SCAMP4: variants seen among roughly 807,000 people sequenced by gnomAD.
SCAMP4 encodes secretory carrier-associated membrane protein 4.
Under a neutral mutation model 32.1 loss-of-function variants are expected in SCAMP4, and 19 were observed. The ratio of observed to expected loss-of-function variants is 0.59; its 90% CI spans 0.41 to 0.87. SCAMP4 has a LOEUF of 0.87. SCAMP4 is among the 40% of genes least tolerant of loss of function. SCAMP4 has a pLI of 0.00. For synonymous variants in SCAMP4, 152 were observed against 132.7 expected, an observed-to-expected ratio of 1.15 and a Z score of -1.00; for missense variants, 302 against 309.0, an observed-to-expected ratio of 0.98 and a Z score of 0.17.
At chr19:1,919,148 C>T in intron 5 of SCAMP4, 158 bp downstream of exon 5, 1 of 1,449,934 alleles carries the variant, frequency 6.9e-7, no homozygotes, top group South Asian at 1.4e-5. Context: ...CGCCCGCGTC[C>T]TCGCCAGCGC....
At chr19:1,912,308 C>G (rs748075181) in intron 1 of SCAMP4, 2 of 1,559,846 alleles carry the variant, frequency 1.3e-6, no homozygotes, top group South Asian at 1.2e-5. Flanking sequence ...CGCTCCCCGC[C>G]CAGCCTCACC....
At position 1,907,547 on chromosome 19, in the gene SCAMP4, T is replaced by C. The variant is rs566451601; in HGVS notation, c.-42+2108T>C. ...CAGGTTGGGGACTGGGTGTGTTTTC[T>C]GGGTGGACATACCCAGGTCCCGGCG... On this transcript the variant is annotated intron_variant, in intron 1 of 6. Coordinates refer to ENST00000316097, the MANE Select transcript of SCAMP4 (RefSeq NM_079834.4). Among the ~76,000 whole-genome samples the C allele has an allele frequency of 3.9e-5, 6 of 152,282 alleles. No individual in the cohort carries two copies. The South Asian group carries it at 1.2e-3, about 32-fold the overall frequency.
chr19:1,918,996 C>T lies in SCAMP4; in HGVS notation c.395+6C>T. The stretch of plus-strand genomic sequence containing the variant: ...TTCTCCGGCTGGGGCGCGTGGTAAG[C>T]CTCTCTCTGATGGGCGTGGTGGCTG... On this transcript the variant is annotated splice_donor_region_variant and intron_variant, in intron 5 of 6. Coordinates refer to ENST00000316097, the MANE Select transcript of SCAMP4 (RefSeq NM_079834.4). The T allele has an allele frequency of 2.5e-6, 4 of 1,600,458 alleles. No individual in the cohort carries two copies. Among genetic ancestry groups the T allele is most frequent in the Non-Finnish European group, 2.6e-6 (3 of 1,173,588 alleles).
At position 1,919,197 on chromosome 19, in the gene SCAMP4, T is replaced by C. The variant is rs1043931751; in HGVS notation, c.395+207T>C. Reference sequence around the variant, plus strand: ...AGCACCCAGCCATGGTTCGCGATTGTAGGCACTCTCCTAGGGAGGGGTCCG... The same window carrying C: ...AGCACCCAGCCATGGTTCGCGATTGCAGGCACTCTCCTAGGGAGGGGTCCG... On this transcript the variant is annotated intron_variant, in intron 5 of 6. Coordinates refer to ENST00000316097, the MANE Select transcript of SCAMP4 (RefSeq NM_079834.4). The C allele has an allele frequency of 1.3e-5, 18 of 1,414,738 alleles. No homozygotes were observed. The African/African-American group carries it at 2.6e-4, about 20-fold the overall frequency. 87.6% of individuals were successfully genotyped at this position (1,414,738 alleles called of 1,614,324 possible). A position where few individuals can be genotyped will look rare whatever the true frequency, so the allele number is the denominator to read the frequency against.
At chr19:1,921,418 C>T (rs1263269317) in intron 5 of SCAMP4, 10 of 984,680 alleles carry the variant, frequency 1.0e-5, no homozygotes, top group African/African-American at 3.5e-5. Flanking sequence ...GGCCACATGG[C>T]GGCAGCCAGG....
rs950688403 is a variant in SCAMP4 at position 1,908,297 on chromosome 19, G to T, written c.-42+2858G>T. 3.1e-6 allele frequency: 1 copy of T among 326,376 alleles called. No individual in the cohort carries two copies. The highest frequency in any genetic ancestry group is 6.1e-6 in the Non-Finnish European group (1 of 164,372). The allele number at this position is 326,376 out of a possible 1,614,324, so 20.2% of individuals were successfully genotyped here. ...TCCGGTTCTGTGCTTTGTTGAACGC[G>T]TGAGCTTCGGGCAGCGCTGGGGCCG... On this transcript the variant is annotated intron_variant, in intron 1 of 6. Coordinates refer to ENST00000316097, the MANE Select transcript of SCAMP4 (RefSeq NM_079834.4). The surrounding 1 kb of genome is among the most constrained non-coding windows in gnomAD (Gnocchi z 4.2).
chr19:1,917,788 G>T lies in SCAMP4; in HGVS notation c.102G>T (p.Gln34His), dbSNP rs771455488. Residue 34 changes from glutamine (Q) to histidine (H), a missense_variant, in exon 3 of 7, where the codon CAG becomes CAT. By Grantham distance (24) the Gln-to-His change is conservative. Coordinates refer to ENST00000316097, the MANE Select transcript of SCAMP4 (RefSeq NM_079834.4). ...CCGACGAGATCCCAGTGGAGCACCA[G>T]GTCCTGGTGAAGAGGATCTACCGGC... ...NFSDEIPVEHQVLVKRIYRLW... is the reference protein window; with the variant it reads ...NFSDEIPVEHHVLVKRIYRLW... 6 of 1,613,912 alleles carry T rather than the reference G, an allele frequency of 3.7e-6. No individual in the cohort carries two copies. In the South Asian group the frequency reaches 6.6e-5, roughly 18 times the overall value.
At position 1,917,765 on chromosome 19, in the gene SCAMP4, G is replaced by A. The variant is rs765259029; in HGVS notation, c.79G>A (p.Asp27Asn). The change falls in exon 3 of 7, where the codon GAC becomes AAC. Residue 27 changes from aspartate to asparagine, a missense_variant. Coordinates refer to ENST00000316097, the MANE Select transcript of SCAMP4 (RefSeq NM_079834.4). The stretch of plus-strand genomic sequence containing the variant: ...GCCCTGCTTCTACCAGAACTTCTCC[G>A]ACGAGATCCCAGTGGAGCACCAGGT... ...VKPCFYQNFSDEIPVEHQVLV... is the reference protein window; with the variant it reads ...VKPCFYQNFSNEIPVEHQVLV... 3.0e-5 allele frequency: 49 copies of A among 1,613,876 alleles called. No homozygotes were observed. The highest frequency in any genetic ancestry group is 1.6e-4 in the Middle Eastern group (1 of 6,084).
chr19:1,921,976 A>T (rs1322474310), intron 5 of SCAMP4: 1 of 985,330 alleles, frequency 1.0e-6, no homozygotes, highest in African/African-American at 1.7e-5. Flanking sequence ...GTGTGTGCAT[A>T]AGCTCCCCGG....
In SCAMP4 at chr19:1,914,992, T is replaced by G. The variant is rs2013682261; in HGVS notation, c.-28T>G. On this transcript the variant is annotated 5_prime_UTR_variant, in exon 2 of 7. Transcript: ENST00000316097. ...TCTTCCTTCCAGGCGGCTGCAGGCTTCAGCCTGCGCTGGTTGGTGAAACAG... is the reference window on the plus strand; with the variant it reads ...TCTTCCTTCCAGGCGGCTGCAGGCTGCAGCCTGCGCTGGTTGGTGAAACAG... 1 of 1,613,616 alleles carries G rather than the reference T, an allele frequency of 6.2e-7. No homozygotes were observed. The highest frequency in any genetic ancestry group is 8.5e-7 in the Non-Finnish European group (1 of 1,179,700).
At position 1,918,922 on chromosome 19, in the gene SCAMP4, C is replaced by T. The variant is rs1451391862; in HGVS notation, c.327C>T (p.Phe109=). The T allele has an allele frequency of 1.2e-6, 2 of 1,611,612 alleles. No individual in the cohort carries two copies. Among genetic ancestry groups the T allele is most frequent in the Non-Finnish European group, 1.7e-6 (2 of 1,178,982 alleles). Residue 109 remains phenylalanine, a synonymous_variant, in exon 5 of 7, where the codon TTC becomes TTT. Transcript: ENST00000316097. Reference sequence around the variant, plus strand: ...GCTCCTTTAATTTCATGGCGTTTTTCTTCATCTTCGGAGCCCAGTTTGTCC... The same window carrying T: ...GCTCCTTTAATTTCATGGCGTTTTTTTTCATCTTCGGAGCCCAGTTTGTCC... The part of the protein sequence containing the change: ...ADSSFNFMAF[F]FIFGAQFVLT...
rs1193465266 is a variant in SCAMP4 at position 1,924,422 on chromosome 19, G to GC, written c.*144dup. 5 of 701,982 alleles carry GC rather than the reference G, an allele frequency of 7.1e-6. No individual in the cohort carries two copies. The highest frequency in any genetic ancestry group is 5.4e-5 in the East Asian group (2 of 36,740). 43.5% of individuals were successfully genotyped at this position (701,982 alleles called of 1,614,324 possible). A position where few individuals can be genotyped will look rare whatever the true frequency, so the allele number is the denominator to read the frequency against. On this transcript the variant is annotated 3_prime_UTR_variant, in exon 7 of 7. Transcript: ENST00000316097. ...TGGAAGCCGGTGGTGGCCACGGACC[G>GC]CCCCCCTCCTGCCAGGGCCACAGAA...
At chr19:1,913,436 G>T in intron 1 of SCAMP4, 1 of 545,534 alleles carries the variant, frequency 1.8e-6, no homozygotes, top group Non-Finnish European at 3.3e-6. Context: ...AAAATAAACA[G>T]CCCAAAACCA....
chr19:1,922,716 C>T, intron 5 of SCAMP4: 1 of 998,816 alleles, frequency 1.0e-6, no homozygotes. Flanking sequence ...ATGGCTGGTG[C>T]CCGCCGGACT....
At chr19:1,918,597 A>G in intron 4 of SCAMP4, 2 of 513,460 alleles carry the variant, frequency 3.9e-6, no homozygotes, top group Non-Finnish European at 6.9e-6. Context: ...CGCTGTCTCT[A>G]CTATAGGTAC....
chr19:1,917,939 G>T, intron 3 of SCAMP4, 117 bp downstream of exon 3: 1 of 1,433,560 alleles, frequency 7.0e-7, no homozygotes, highest in South Asian at 1.3e-5. Flanking sequence ...AGCCGTCCTG[G>T]GCCTGGTGGT....
chr19:1,919,144 C>T (rs1203692562), intron 5 of SCAMP4, 154 bp downstream of exon 5: 11 of 1,452,832 alleles, frequency 7.6e-6, no homozygotes, highest in African/African-American at 5.8e-5. Context: ...GCAGCGCCCG[C>T]GTCCTCGCCA....
chr19:1,916,158 G>A (rs895616055), intron 2 of SCAMP4, among the ~76,000 whole-genome samples: 1 of 151,254 alleles, frequency 6.6e-6, no homozygotes, highest in Non-Finnish European at 1.5e-5. Flanking sequence ...AGAATCGCTT[G>A]AACCTGGGAG....
intron 5 of SCAMP4, chr19:1,919,494 C>CA: frequency 1.2e-6 from 1 of 804,656 alleles, no homozygotes; most frequent in Non-Finnish European, 1.5e-6. Context: ...TTTTTCTTTT[C>CA]TTTTTTTTTT....
Sources: allele counts gnomAD v4.1 joint callset (sites outside exome capture counted in the v4.1 genomes callset), GRCh38; gene constraint gnomAD v4.1.1; non-coding constraint Gnocchi (gnomAD v3.1); transcripts MANE v1.5; gene names NCBI Gene and HGNC (gene_info 2026-07-23, HGNC 2026-07-21).